LPP: variants seen among roughly 807,000 people sequenced by gnomAD.
LPP encodes the protein LIM domain containing preferred translocation partner in lipoma.
Under a neutral mutation model 60.4 loss-of-function variants are expected in LPP, and 38 were observed. The ratio of observed to expected loss-of-function variants is 0.63; its 90% CI spans 0.49 to 0.83. The LOEUF (loss-of-function observed/expected upper bound fraction) is 0.83, where lower values mean the gene tolerates loss of function less well. Among genes scored for constraint, LPP ranks in the 40% least tolerant of loss-of-function variants. The pLI, the probability that LPP is intolerant of heterozygous loss-of-function variation, is 0.00. For missense variants in LPP, 902 were observed against 783.6 expected, an observed-to-expected ratio of 1.15 and a Z score of -1.80; for synonymous variants, 328 against 290.8, an observed-to-expected ratio of 1.13 and a Z score of -1.30.
At chr3:188,194,642 T>C (rs1401931415) in intron 1 of LPP, among the ~76,000 whole-genome samples, 1 of 152,212 alleles carries the variant, frequency 6.6e-6, no homozygotes, top group Non-Finnish European at 1.5e-5. Context: ...ATGTTGGAAG[T>C]CAAAATATTG....
At position 188,777,800 on chromosome 3, in the gene LPP, C is replaced by A. The variant is rs148492677; in HGVS notation, c.1410+17518C>A. On this transcript the variant is annotated intron_variant, in intron 9 of 11. Transcript: ENST00000617246. ...ATTTTCTGTTGGCCCTTGGGTATAA[C>A]AGATTTTTATTTATACATTTGAATT... 1.3e-3 allele frequency among the ~76,000 whole-genome samples: 192 copies of A among 152,288 alleles called. 6 individuals carry two copies. The East Asian group carries it at 0.03, about 24-fold the overall frequency.
chr3:188,820,946 C>T (rs190867492), intron 9 of LPP, among the ~76,000 whole-genome samples: 88 of 152,110 alleles, frequency 5.8e-4, no homozygotes, highest in Non-Finnish European at 1.1e-3. Context: ...TCCATGTCAT[C>T]GTTTACATAT....
In LPP at chr3:188,728,875, G is replaced by GA. The variant is rs199585319; in HGVS notation, c.1240+20495dup. 0.038 allele frequency among the ~76,000 whole-genome samples: 5,413 copies of GA among 143,706 alleles called. 450 individuals are homozygous for GA. In the East Asian group the frequency reaches 0.39, roughly 10 times the overall value. The allele number at this position is 143,706 out of a possible 152,430, so 94.3% of individuals were successfully genotyped here. A position where few individuals can be genotyped will look rare whatever the true frequency, so the allele number is the denominator to read the frequency against. ...ATTAGAATTACTATAAGTGCTTTCT[G>GA]AAAAAAAAAAAAATGTACCATGAAC... On this transcript the variant is annotated intron_variant, in intron 8 of 11. Coordinates refer to ENST00000617246, the MANE Select transcript of LPP (RefSeq NM_001375462.1).
At chr3:188,555,774 G>A (rs1377331820) in intron 6 of LPP, among the ~76,000 whole-genome samples, 6 of 152,206 alleles carry the variant, frequency 3.9e-5, no homozygotes, top group South Asian at 2.1e-4. Flanking sequence ...AGAGATTCGA[G>A]TATTGGTTGA....
chr3:188,588,853 G>A (rs888495759), intron 6 of LPP, among the ~76,000 whole-genome samples: 2 of 152,030 alleles, frequency 1.3e-5, no homozygotes, highest in African/African-American at 2.4e-5. Context: ...GTGATTCCAC[G>A]CACCTCCGAA....
At chr3:188,771,009 T>C (rs1735772484) in intron 9 of LPP, among the ~76,000 whole-genome samples, 1 of 152,220 alleles carries the variant, frequency 6.6e-6, no homozygotes, top group South Asian at 2.1e-4. Context: ...TTCCCTTCTT[T>C]GTAGTTTATT....
At chr3:188,196,511 T>C (rs1729591825) in intron 1 of LPP, among the ~76,000 whole-genome samples, 1 of 152,162 alleles carries the variant, frequency 6.6e-6, no homozygotes, top group Admixed American at 6.5e-5. Context: ...GAGCCTGTCC[T>C]CCATTCAGGC....
intron 9 of LPP, among the ~76,000 whole-genome samples, chr3:188,852,742 G>T (rs1339426005): frequency 6.6e-6 from 1 of 152,146 alleles, no homozygotes; most frequent in African/African-American, 2.4e-5. Context: ...GTTCAAAAGT[G>T]ACACAGTCAG....
At position 188,454,972 on chromosome 3, in the gene LPP, A is replaced by G. The variant is rs149415685; in HGVS notation, c.194-29620A>G. ...TAGAAGGTGTTCACAATGTTATTCG[A>G]AAGCCAACTTAGTGTAGTGAGCATT... On this transcript the variant is annotated intron_variant, in intron 4 of 11. Transcript: ENST00000617246. 6.8e-3 allele frequency among the ~76,000 whole-genome samples: 1,040 copies of G among 152,340 alleles called. 8 individuals are homozygous for G. Among genetic ancestry groups the G allele is most frequent in the South Asian group, 0.034 (162 of 4,822 alleles).
At chr3:188,399,648 C>T (rs1781776758) in intron 3 of LPP, among the ~76,000 whole-genome samples, 1 of 152,154 alleles carries the variant, frequency 6.6e-6, no homozygotes, top group African/African-American at 2.4e-5. Flanking sequence ...AATAGAAATG[C>T]TCTAAGTCAA....
At chr3:188,496,065 A>G (rs960259199) in intron 5 of LPP, among the ~76,000 whole-genome samples, 1 of 152,110 alleles carries the variant, frequency 6.6e-6, no homozygotes, top group Non-Finnish European at 1.5e-5. Context: ...TCATTATTTT[A>G]TCATTAACTT....
At chr3:188,719,061 A>C (rs528053095) in intron 8 of LPP, among the ~76,000 whole-genome samples, 20 of 152,256 alleles carry the variant, frequency 1.3e-4, no homozygotes, top group African/African-American at 4.8e-4. Flanking sequence ...ATTGAACTTA[A>C]ATTTAAATTG....
At chr3:188,340,116 A>G (rs1762650071) in intron 2 of LPP, among the ~76,000 whole-genome samples, 1 of 152,210 alleles carries the variant, frequency 6.6e-6, no homozygotes, top group Admixed American at 6.5e-5. Flanking sequence ...TTGGGAGGCT[A>G]CGTCATGTAG....
intron 2 of LPP, among the ~76,000 whole-genome samples, chr3:188,323,940 T>C (rs1211878200): frequency 1.3e-5 from 2 of 152,254 alleles, no homozygotes; most frequent in African/African-American, 2.4e-5. Context: ...GTTTGTCATT[T>C]TCTTACATAG....
At chr3:188,176,796 G>C (rs1723164175) in intron 1 of LPP, among the ~76,000 whole-genome samples, 1 of 152,158 alleles carries the variant, frequency 6.6e-6, no homozygotes, top group Non-Finnish European at 1.5e-5. Flanking sequence ...AAGAGAATAA[G>C]ATGTGGTCTG....
intron 4 of LPP, among the ~76,000 whole-genome samples, chr3:188,477,106 A>G (rs1803434385): frequency 6.6e-6 from 1 of 152,212 alleles, no homozygotes. Context: ...AGGAATAAGT[A>G]GAATTTGTAT....
intron 9 of LPP, among the ~76,000 whole-genome samples, chr3:188,779,525 G>A (rs193204042): frequency 7.9e-5 from 12 of 151,976 alleles, no homozygotes; most frequent in African/African-American, 2.4e-4. Flanking sequence ...AAGTAACCAC[G>A]TGAGCAGTTT....
chr3:188,334,424 T>TTC (rs1761051901), intron 2 of LPP, among the ~76,000 whole-genome samples: 1 of 142,652 alleles, frequency 7.0e-6, no homozygotes, highest in Admixed American at 7.0e-5. Flanking sequence ...ATTTCTTTCT[T>TTC]TTTTTTTTTT....
chr3:188,161,006 G>T (rs1398200739), intron 1 of LPP, among the ~76,000 whole-genome samples: 2 of 152,160 alleles, frequency 1.3e-5, no homozygotes, highest in Non-Finnish European at 2.9e-5. Context: ...TAGCCATAGG[G>T]ACCTTGGTGT....
Sources: allele counts gnomAD v4.1 joint callset (sites outside exome capture counted in the v4.1 genomes callset), GRCh38; gene constraint gnomAD v4.1.1; transcripts MANE v1.5; gene names NCBI Gene and HGNC (gene_info 2026-07-23, HGNC 2026-07-21).